The following KCNH5 variants were observed in gnomAD, a reference collection of about 807,000 sequenced individuals.
KCNH5 encodes the protein potassium voltage-gated channel subfamily H member 5.
KCNH5 carries 46 observed loss-of-function variants against 96.1 expected under a neutral mutation model. The observed-to-expected ratio is 0.48, with a 90% CI of 0.38 to 0.61. The LOEUF (loss-of-function observed/expected upper bound fraction) is 0.61. Ranked by LOEUF, KCNH5 falls within the 20% of genes least tolerant of loss-of-function variation. The pLI is 0.00. For synonymous variants in KCNH5, 439 were observed against 449.8 expected, an observed-to-expected ratio of 0.98 and a Z score of 0.30; for missense variants, 907 against 1,225.8, an observed-to-expected ratio of 0.74 and a Z score of 3.88.
chr14:63,027,498 T>C (rs1891545944), intron 1 of KCNH5, among the ~76,000 whole-genome samples: 1 of 150,656 alleles, frequency 6.6e-6, no homozygotes, highest in African/African-American at 2.4e-5. Context: ...AAAAAAACTC[T>C]GAGTTGTTAT....
At chr14:62,828,534 T>C (rs748114220) in intron 8 of KCNH5, among the ~76,000 whole-genome samples, 5 of 152,104 alleles carry the variant, frequency 3.3e-5, no homozygotes, top group Non-Finnish European at 7.4e-5. Context: ...CTTCACATGG[T>C]GGCAGGCAAG....
intron 6 of KCNH5, among the ~76,000 whole-genome samples, chr14:62,972,512 C>A (rs1040396939): frequency 6.6e-6 from 1 of 152,150 alleles, no homozygotes; most frequent in Admixed American, 6.5e-5. Flanking sequence ...GGTATTTACC[C>A]AAATATGTTT....
Position 62,719,988 on chromosome 14 carries a change from T to C in KCNH5, c.2020-11533A>G, listed in dbSNP as rs1327626416. On this transcript the variant is annotated intron_variant, in intron 10 of 10. Coordinates refer to ENST00000322893, the MANE Select transcript of KCNH5 (RefSeq NM_139318.5). ...ATATCTGTAAACAAAGCAAAAATCC[T>C]GAGATATTTTATATGATGTCTGACG... 2.6e-5 allele frequency among the ~76,000 whole-genome samples: 4 copies of C among 152,152 alleles called. No individual in the cohort carries two copies. In the East Asian group the frequency reaches 7.7e-4, roughly 29 times the overall value.
At chr14:62,781,678 GC>G (rs1402534298) in intron 9 of KCNH5, among the ~76,000 whole-genome samples, 1 of 152,200 alleles carries the variant, frequency 6.6e-6, no homozygotes, top group African/African-American at 2.4e-5. Flanking sequence ...GCTCTGTTCC[GC>G]CGGGCTCACC....
chr14:62,966,306 A>G (rs1374207810), intron 6 of KCNH5, among the ~76,000 whole-genome samples: 1 of 152,228 alleles, frequency 6.6e-6, no homozygotes, highest in African/African-American at 2.4e-5. Context: ...GGCACAGAAT[A>G]GAAATCACTG....
At chr14:62,832,314 T>C (rs1279172176) in intron 8 of KCNH5, among the ~76,000 whole-genome samples, 1 of 122,034 alleles carries the variant, frequency 8.2e-6, no homozygotes, top group Non-Finnish European at 1.7e-5. Flanking sequence ...TCTGTTTCTA[T>C]GTGTTTGACT....
chr14:62,868,421 G>A (rs536072475), intron 7 of KCNH5, among the ~76,000 whole-genome samples: 1 of 152,316 alleles, frequency 6.6e-6, no homozygotes, highest in East Asian at 1.9e-4. Context: ...TGGTGCAAAA[G>A]TAATTGCTGT....
chr14:62,837,928 C>G (rs1045151685), intron 8 of KCNH5, among the ~76,000 whole-genome samples: 1 of 152,064 alleles, frequency 6.6e-6, no homozygotes, highest in Non-Finnish European at 1.5e-5. Context: ...GTGGATGTAA[C>G]ACTGGGAGTT....
At chr14:62,923,357 A>G (rs1322541714) in intron 7 of KCNH5, among the ~76,000 whole-genome samples, 3 of 151,958 alleles carry the variant, frequency 2.0e-5, no homozygotes, top group Non-Finnish European at 4.4e-5. Flanking sequence ...CCATGTTCAC[A>G]GATTGAAAGA....
Position 62,707,299 on chromosome 14 carries a change from AACTGC to A in KCNH5, c.*204_*208del. ...ATAAATGTAAAGTGTGCATGCAGTC[AACTGC>A]ATAATATACAAGCAATATCTATGTT... On this transcript the variant is annotated 3_prime_UTR_variant, in exon 11 of 11. Transcript: ENST00000322893. 1 of 304,604 alleles carries A rather than the reference AACTGC, an allele frequency of 3.3e-6. No homozygotes were observed. The highest frequency in any genetic ancestry group is 5.9e-6 in the Non-Finnish European group (1 of 170,672). 18.9% of individuals were successfully genotyped at this position (304,604 alleles called of 1,614,324 possible). A position where few individuals can be genotyped will look rare whatever the true frequency, so the allele number is the denominator to read the frequency against.
chr14:62,881,885 T>C (rs529200186), intron 7 of KCNH5, among the ~76,000 whole-genome samples: 21 of 152,250 alleles, frequency 1.4e-4, no homozygotes, highest in African/African-American at 4.1e-4. Context: ...GACTGTCTCC[T>C]AAAATAACTT....
chr14:62,714,267 T>C (rs1232240851), intron 10 of KCNH5, among the ~76,000 whole-genome samples: 1 of 152,136 alleles, frequency 6.6e-6, no homozygotes, highest in East Asian at 1.9e-4. Flanking sequence ...TCAGCCTGGG[T>C]CTCAAAAATA....
intron 6 of KCNH5, among the ~76,000 whole-genome samples, chr14:62,951,297 A>T (rs1369055576): frequency 6.6e-6 from 1 of 152,220 alleles, no homozygotes; most frequent in Non-Finnish European, 1.5e-5. Context: ...CAAATAAGGG[A>T]TTATCCAAAT....
chr14:62,839,780 C>T (rs942836972), intron 8 of KCNH5, among the ~76,000 whole-genome samples: 2 of 151,978 alleles, frequency 1.3e-5, no homozygotes, highest in East Asian at 3.9e-4. Context: ...TGTTTTCCAC[C>T]TTCAGACCAG....
intron 1 of KCNH5, among the ~76,000 whole-genome samples, chr14:63,038,300 A>G (rs1891759828): frequency 6.6e-6 from 1 of 152,200 alleles, no homozygotes; most frequent in Non-Finnish European, 1.5e-5. Context: ...GGAGGACATA[A>G]AAGTCTTTTT....
intron 9 of KCNH5, among the ~76,000 whole-genome samples, chr14:62,781,584 A>T (rs1338076529): frequency 1.3e-5 from 2 of 152,206 alleles, no homozygotes; most frequent in Non-Finnish European, 2.9e-5. Context: ...CCAGGTGCGC[A>T]TTCTCTTTCT....
chr14:63,009,660 G>A (rs1440347132), intron 2 of KCNH5, among the ~76,000 whole-genome samples: 1 of 152,146 alleles, frequency 6.6e-6, no homozygotes, highest in Non-Finnish European at 1.5e-5. Context: ...CAAGGCAAGT[G>A]TTCTGGAGGT....
At chr14:62,982,472 G>A (rs570764364) in intron 5 of KCNH5, among the ~76,000 whole-genome samples, 1 of 152,306 alleles carries the variant, frequency 6.6e-6, no homozygotes, top group Non-Finnish European at 1.5e-5. Context: ...TATGTATTCA[G>A]TTATTCAGTG....
At position 62,991,612 on chromosome 14, in the gene KCNH5, G is replaced by C. The variant is rs186426611; in HGVS notation, c.434-4425C>G. Among the ~76,000 whole-genome samples, 74 of 152,008 alleles carry C rather than the reference G, an allele frequency of 4.9e-4. 1 individual carries two copies. The East Asian group carries it at 0.013, about 27-fold the overall frequency. ...TCAATGCAAAGCAAATGAATGTTTT[G>C]GTACACATTAAAATCAATGGGAGCA... On this transcript the variant is annotated intron_variant, in intron 4 of 10. Transcript: ENST00000322893.
Sources: allele counts gnomAD v4.1 joint callset (sites outside exome capture counted in the v4.1 genomes callset), GRCh38; gene constraint gnomAD v4.1.1; transcripts MANE v1.5; gene names NCBI Gene and HGNC (gene_info 2026-07-23, HGNC 2026-07-21).